DPP6: variants seen among roughly 807,000 people sequenced by gnomAD.
DPP6 encodes A-type potassium channel modulatory protein DPP6.
In DPP6, 69 loss-of-function variants were observed where a neutral mutation model predicts 122.6. The observed-to-expected ratio is 0.56, with a 90% CI of 0.46 to 0.69. The LOEUF (loss-of-function observed/expected upper bound fraction) is 0.69. Among genes scored for constraint, DPP6 ranks in the 30% least tolerant of loss-of-function variants. The probability of loss-of-function intolerance (pLI) is 0.00; values close to 1 mark genes in which losing one functional copy is unlikely to be tolerated. For synonymous variants in DPP6, 418 were observed against 433.1 expected (o/e 0.97, Z 0.43); for missense variants, 928 against 1,116.9 (o/e 0.83, Z 2.41).
At chr7:154,193,814 T>G (rs1273289642) in intron 1 of DPP6, among the ~76,000 whole-genome samples, 4 of 151,950 alleles carry the variant, frequency 2.6e-5, no homozygotes, top group Non-Finnish European at 5.9e-5. Flanking sequence ...AGCAAAAGTA[T>G]GTACTCCTCC....
chr7:154,264,844 AATG>A lies in DPP6; in HGVS notation c.244-181364_244-181362del, dbSNP rs1230026473. Among the ~76,000 whole-genome samples, 7 of 148,830 alleles carry A rather than the reference AATG, an allele frequency of 4.7e-5. No homozygotes were observed. The South Asian group carries it at 8.7e-4, about 19-fold the overall frequency. ...TGATAGTGATAGTGATGATGGTGTTAATGATGATAGTGATAATGATGGTGATCC... is the reference window on the plus strand; with the variant it reads ...TGATAGTGATAGTGATGATGGTGTTAATGATAGTGATAATGATGGTGATCC... On this transcript the variant is annotated intron_variant, in intron 1 of 25. Transcript: ENST00000377770.
At chr7:154,838,525 G>A (rs1272723834) in intron 16 of DPP6, 4 of 152,152 alleles carry the variant, frequency 2.6e-5, no homozygotes, top group Non-Finnish European at 5.9e-5. Context: ...GAATAGCACA[G>A]AACGTGTACG....
At chr7:154,661,888 G>A (rs1326028356) in intron 6 of DPP6, among the ~76,000 whole-genome samples, 124 of 151,452 alleles carry the variant, frequency 8.2e-4, no homozygotes, top group Non-Finnish European at 1.3e-3. Flanking sequence ...AATCACCATG[G>A]CATATTGGCC....
chr7:154,701,214 G>C (rs1387910341), intron 7 of DPP6, among the ~76,000 whole-genome samples: 1 of 152,084 alleles, frequency 6.6e-6, no homozygotes, highest in African/African-American at 2.4e-5. Flanking sequence ...CAGTCTTCCT[G>C]TCCCGCTTTG....
At chr7:154,705,833 T>C (rs561583853) in intron 7 of DPP6, among the ~76,000 whole-genome samples, 76 of 152,374 alleles carry the variant, frequency 5.0e-4, no homozygotes, top group Non-Finnish European at 7.9e-4. Flanking sequence ...TATGATCTTC[T>C]ATTTGTTGGT....
chr7:154,773,981 C>G (rs910547823), intron 10 of DPP6, among the ~76,000 whole-genome samples: 1 of 152,186 alleles, frequency 6.6e-6, no homozygotes, highest in African/African-American at 2.4e-5. Flanking sequence ...CTGCAGAATT[C>G]TACTGCGATT....
chr7:154,063,440 GGGGGGGAGGCACC>G lies in DPP6; in HGVS notation c.243+10378_243+10390del, dbSNP rs1563159751. ...CTGGCTGTTGGTACCCCCATCGCAA[GGGGGGGAGGCACC>G]TCCCGCGAGGCAGGGACTGAGAGCC... On this transcript the variant is annotated intron_variant, in intron 1 of 25. Transcript: ENST00000377770. 3.4e-4 allele frequency among the ~76,000 whole-genome samples: 30 copies of G among 88,850 alleles called. 4 individuals carry two copies. The highest frequency in any genetic ancestry group is 1.3e-3 in the South Asian group (3 of 2,312). The allele number at this position is 88,850 out of a possible 152,430, so 58.3% of individuals were successfully genotyped here. A position where few individuals can be genotyped will look rare whatever the true frequency, so the allele number is the denominator to read the frequency against.
chr7:153,939,565 G>A (rs967373814), intron 1 of DPP6, among the ~76,000 whole-genome samples: 5 of 152,178 alleles, frequency 3.3e-5, no homozygotes, highest in African/African-American at 1.2e-4. Flanking sequence ...CACTCAGGCT[G>A]GGGTTAGGGA....
At chr7:154,886,690 C>T (rs1806180981) in intron 22 of DPP6, among the ~76,000 whole-genome samples, 1 of 152,206 alleles carries the variant, frequency 6.6e-6, no homozygotes, top group Non-Finnish European at 1.5e-5. Flanking sequence ...CCACCGCAGT[C>T]CTGCCAGAGC....
At chr7:154,389,695 A>G (rs762527528) in intron 1 of DPP6, among the ~76,000 whole-genome samples, 5 of 142,312 alleles carry the variant, frequency 3.5e-5, no homozygotes, top group African/African-American at 4.9e-5. Context: ...ACAACATAGT[A>G]TACTAATTTT....
At chr7:153,958,623 G>A (rs995280475) in intron 1 of DPP6, among the ~76,000 whole-genome samples, 14 of 152,108 alleles carry the variant, frequency 9.2e-5, no homozygotes, top group Non-Finnish European at 4.4e-5. Flanking sequence ...GATTTATTTT[G>A]TGAAACTCTA....
At chr7:154,395,009 G>A (rs1437102802) in intron 1 of DPP6, among the ~76,000 whole-genome samples, 6 of 152,122 alleles carry the variant, frequency 3.9e-5, no homozygotes, top group African/African-American at 4.8e-5. Context: ...CTGCTATGAC[G>A]TAATACCATG....
intron 1 of DPP6, among the ~76,000 whole-genome samples, chr7:154,229,999 TA>T (rs1395568353): frequency 1.3e-5 from 2 of 152,202 alleles, no homozygotes; most frequent in Non-Finnish European, 1.5e-5. Flanking sequence ...TTTAGCCTTA[TA>T]AAAAGATTAG....
In DPP6 at chr7:153,952,195, A is replaced by G. The variant is rs112789023; in HGVS notation, c.51+64461A>G. Among the ~76,000 whole-genome samples the G allele has an allele frequency of 3.8e-3, 572 of 152,364 alleles. 7 individuals are homozygous for G. Among genetic ancestry groups the G allele is most frequent in the African/African-American group, 0.013 (544 of 41,582 alleles). ...GCTCCTGTTAGCCTTTGTGAAAAGA[A>G]TAGTGTTTTAACACTTAGTATATGC... On this transcript the variant is annotated intron_variant, in intron 1 of 25. Transcript: ENST00000404039.
chr7:153,758,736 G>A, the DPP6 span, among the ~76,000 whole-genome samples: 1 of 151,062 alleles, frequency 6.6e-6, no homozygotes, highest in Non-Finnish European at 1.5e-5. Context: ...ATACTTGATT[G>A]TATGCCTATA....
chr7:154,528,468 T>C (rs763191366), intron 3 of DPP6, among the ~76,000 whole-genome samples: 1 of 152,248 alleles, frequency 6.6e-6, no homozygotes, highest in African/African-American at 2.4e-5. Flanking sequence ...GCAGTTACTC[T>C]TACACTAGTG....
At chr7:154,729,584 GAA>G (rs1842235212) in intron 8 of DPP6, among the ~76,000 whole-genome samples, 1 of 152,116 alleles carries the variant, frequency 6.6e-6, no homozygotes, top group African/African-American at 2.4e-5. Flanking sequence ...CATCAGTCTA[GAA>G]TATTCCTACA....
chr7:154,299,167 C>A (rs111349480), intron 1 of DPP6, among the ~76,000 whole-genome samples: 3,722 of 152,318 alleles, frequency 0.024, 136 homozygotes, highest in African/African-American at 0.084. Flanking sequence ...TTCCTAGACC[C>A]TTTCCTCTGT....
chr7:154,770,947 C>T (rs1166384619), intron 9 of DPP6, among the ~76,000 whole-genome samples: 2 of 152,250 alleles, frequency 1.3e-5, no homozygotes, highest in Admixed American at 6.5e-5. Flanking sequence ...CTCCAAGACC[C>T]CTGGGCTTGG....
Sources: gnomAD v4.1 joint callset for allele counts (sites outside exome capture counted in the v4.1 genomes callset) on GRCh38, gnomAD v4.1.1 for gene constraint, MANE v1.5 for transcripts, NCBI Gene and HGNC (gene_info 2026-07-23, HGNC 2026-07-21) for gene names.